GRIP1: variants seen among roughly 807,000 people sequenced by gnomAD.
GRIP1 encodes the protein glutamate receptor-interacting protein 1.
GRIP1 carries 45 observed loss-of-function variants against 129.9 expected under a neutral mutation model. That is an observed-to-expected ratio of 0.35 (90% CI 0.27 to 0.44). The LOEUF (loss-of-function observed/expected upper bound fraction) is 0.44. GRIP1 is among the 20% of genes least tolerant of loss of function. The pLI, the probability that GRIP1 is intolerant of heterozygous loss-of-function variation, is 1.00. For synonymous variants in GRIP1, 530 were observed against 520.8 expected, an observed-to-expected ratio of 1.02 and a Z score of -0.24; for missense variants, 1,196 against 1,396.8, an observed-to-expected ratio of 0.86 and a Z score of 2.29.
At chr12:66,739,898 C>T (rs2036734345) in intron 1 of GRIP1, among the ~76,000 whole-genome samples, 1 of 152,124 alleles carries the variant, frequency 6.6e-6, no homozygotes, top group African/African-American at 2.4e-5. Context: ...GCTCAGTCCT[C>T]AATAGTAGTC....
intron 1 of GRIP1, among the ~76,000 whole-genome samples, chr12:66,620,157 G>A (rs2065206232): frequency 6.6e-6 from 1 of 152,170 alleles, no homozygotes; most frequent in Admixed American, 6.6e-5. Context: ...CACAAATTGT[G>A]TGCTCCACAC....
chr12:67,012,259 T>C (rs2042719891), intron 1 of GRIP1, among the ~76,000 whole-genome samples: 1 of 152,180 alleles, frequency 6.6e-6, no homozygotes, highest in Non-Finnish European at 1.5e-5. Flanking sequence ...TACAGGTCAG[T>C]TAAAATAATG....
At chr12:66,556,692 G>A (rs2062345536) in intron 2 of GRIP1, among the ~76,000 whole-genome samples, 1 of 151,918 alleles carries the variant, frequency 6.6e-6, no homozygotes, top group Non-Finnish European at 1.5e-5. Context: ...AAGTTGAAGT[G>A]TAGAGTTTTT....
chr12:66,408,021 C>T (rs1002609155), intron 15 of GRIP1, among the ~76,000 whole-genome samples: 1 of 152,186 alleles, frequency 6.6e-6, no homozygotes, highest in Admixed American at 6.5e-5. Flanking sequence ...CATAGTACGA[C>T]AGGGCACCGG....
At chr12:66,569,811 T>G (rs963791690) in intron 2 of GRIP1, among the ~76,000 whole-genome samples, 10 of 152,210 alleles carry the variant, frequency 6.6e-5, no homozygotes, top group Non-Finnish European at 1.5e-4. Context: ...TTGGCAAGTT[T>G]TGATACTTGT....
At chr12:66,746,404 G>A (rs929363336) in intron 1 of GRIP1, among the ~76,000 whole-genome samples, 1 of 152,164 alleles carries the variant, frequency 6.6e-6, no homozygotes, top group African/African-American at 2.4e-5. Flanking sequence ...AGAATCTTAG[G>A]TGGCACTTCA....
At chr12:66,922,719 C>A (rs1438079572) in intron 1 of GRIP1, among the ~76,000 whole-genome samples, 1 of 152,180 alleles carries the variant, frequency 6.6e-6, no homozygotes, top group East Asian at 1.9e-4. Flanking sequence ...ACTCAGTTGA[C>A]TGCTTTTACC....
At chr12:66,578,131 G>T (rs953441632) in intron 2 of GRIP1, among the ~76,000 whole-genome samples, 1 of 151,696 alleles carries the variant, frequency 6.6e-6, no homozygotes, top group Non-Finnish European at 1.5e-5. Flanking sequence ...GACAGGCATG[G>T]TGGCTCAGGC....
rs115939687 is a variant in GRIP1 at position 66,450,007 on chromosome 12, G to C, written c.1355-4499C>G. ...GGCAGCTGTTTACCATCTTCACTAA[G>C]AAAGAGCCAAGAGCCGGGCGCGGTG... On this transcript the variant is annotated intron_variant, in intron 11 of 24. Coordinates refer to ENST00000359742, the MANE Select transcript of GRIP1 (RefSeq NM_001366722.1). Among the ~76,000 whole-genome samples, 486 of 152,074 alleles carry C rather than the reference G, an allele frequency of 3.2e-3. 3 individuals are homozygous for C. The highest frequency in any genetic ancestry group is 0.011 in the African/African-American group (462 of 41,484).
Position 66,532,767 on chromosome 12 carries a change from T to A in GRIP1, c.419-2853A>T, listed in dbSNP as rs2061495916. On this transcript the variant is annotated intron_variant, in intron 4 of 24. Coordinates refer to ENST00000359742, the MANE Select transcript of GRIP1 (RefSeq NM_001366722.1). ...GAGACTCTTTCTCCCTCTCTCCTCCTCCACTTCACCACCACCACCACCACC... is the reference window on the plus strand; with the variant it reads ...GAGACTCTTTCTCCCTCTCTCCTCCACCACTTCACCACCACCACCACCACC... 2.0e-5 allele frequency among the ~76,000 whole-genome samples: 3 copies of A among 151,572 alleles called. No homozygotes were observed. The South Asian group carries it at 6.2e-4, about 31-fold the overall frequency.
chr12:66,742,873 G>T (rs2036831301), intron 1 of GRIP1, among the ~76,000 whole-genome samples: 1 of 152,124 alleles, frequency 6.6e-6, no homozygotes, highest in South Asian at 2.1e-4. Flanking sequence ...TTAATGACTA[G>T]CAAAAGTAGG....
rs1218136564 is a variant in GRIP1 at position 66,383,221 on chromosome 12, C to T, written c.2465-3785G>A. Among the ~76,000 whole-genome samples the T allele has an allele frequency of 2.6e-5, 4 of 151,918 alleles. 1 individual carries two copies. The highest frequency in any genetic ancestry group is 2.0e-4 in the Admixed American group (3 of 15,238). On this transcript the variant is annotated intron_variant, in intron 19 of 24. Coordinates refer to ENST00000359742, the MANE Select transcript of GRIP1 (RefSeq NM_001366722.1). ...CTGAGGCAGGAGAATCTCTTGAACC[C>T]GAGAGGTGGAGGTTGCAGCGAGCTG...
chr12:66,706,026 A>G (rs996767021), intron 1 of GRIP1, among the ~76,000 whole-genome samples: 1 of 152,212 alleles, frequency 6.6e-6, no homozygotes, highest in African/African-American at 2.4e-5. Flanking sequence ...CACCAAAAGC[A>G]ACTGCAACAA....
intron 1 of GRIP1, among the ~76,000 whole-genome samples, chr12:66,865,590 T>C (rs1460171312): frequency 2.0e-5 from 3 of 149,374 alleles, no homozygotes; most frequent in Non-Finnish European, 4.5e-5. Flanking sequence ...ACTCCATCCA[T>C]CCATGCATCC....
chr12:66,803,984 G>A, intron 1 of GRIP1: 1 of 383,208 alleles, frequency 2.6e-6, no homozygotes, highest in Non-Finnish European at 5.3e-6. Context: ...TAAGATTAAG[G>A]CTCCACACAA....
intron 1 of GRIP1, among the ~76,000 whole-genome samples, chr12:66,909,409 C>T (rs2040992047): frequency 6.6e-6 from 1 of 152,218 alleles, no homozygotes; most frequent in Non-Finnish European, 1.5e-5. Flanking sequence ...GGTTATTTAC[C>T]TGTTGAAGAC....
At chr12:66,588,515 G>A (rs1457305708) in intron 2 of GRIP1, among the ~76,000 whole-genome samples, 1 of 152,158 alleles carries the variant, frequency 6.6e-6, no homozygotes, top group Non-Finnish European at 1.5e-5. Flanking sequence ...GCCTTGAGAA[G>A]TCAGTCTTCA....
intron 1 of GRIP1, among the ~76,000 whole-genome samples, chr12:66,982,815 C>T (rs2042258443): frequency 1.3e-5 from 2 of 152,090 alleles, no homozygotes; most frequent in African/African-American, 2.4e-5. Flanking sequence ...CCTGCAGGAA[C>T]TTTTAAATAA....
rs137989569 is a variant in GRIP1, at chr12:66,573,003, T to C, written c.136+23844A>G. Among the ~76,000 whole-genome samples the C allele has an allele frequency of 2.5e-4, 38 of 152,310 alleles. No homozygotes were observed. The East Asian group carries it at 6.4e-3, about 26-fold the overall frequency. ...ATGGCTTACCTCTAACCAGTAGATA[T>C]GGCAAAGCTTCCAGATGCATGTTGT... On this transcript the variant is annotated intron_variant, in intron 2 of 24. Coordinates refer to ENST00000359742, the MANE Select transcript of GRIP1 (RefSeq NM_001366722.1).
Sources: gnomAD v4.1 joint callset for allele counts (sites outside exome capture counted in the v4.1 genomes callset) on GRCh38, gnomAD v4.1.1 for gene constraint, MANE v1.5 for transcripts, NCBI Gene and HGNC (gene_info 2026-07-23, HGNC 2026-07-21) for gene names.